ATP2B2: variants seen among roughly 807,000 people sequenced by gnomAD.
The protein encoded by ATP2B2 is plasma membrane calcium-transporting ATPase 2.
ATP2B2 carries 15 observed loss-of-function variants against 120.0 expected under a neutral mutation model. The ratio of observed to expected loss-of-function variants is 0.12; its 90% CI spans 0.08 to 0.19. The LOEUF is 0.19. Among genes scored for constraint, ATP2B2 ranks in the 10% least tolerant of loss-of-function variants. ATP2B2 has a pLI of 1.00. For missense variants in ATP2B2, 1,045 were observed against 1,719.8 expected (o/e 0.61, Z 6.94); for synonymous variants, 694 against 700.3 (o/e 0.99, Z 0.14).
intron 2 of ATP2B2, among the ~76,000 whole-genome samples, chr3:10,590,081 G>A (rs868256474): frequency 5.3e-5 from 8 of 152,174 alleles, no homozygotes; most frequent in Admixed American, 2.6e-4. Flanking sequence ...CCCTCCCATG[G>A]ACGCTACTCA....
At chr3:10,534,028 C>T (rs73811925) in intron 3 of ATP2B2, 6,252 of 152,348 alleles carry the variant, frequency 0.041, 333 homozygotes, top group African/African-American at 0.12. Context: ...AAGCCCCCGT[C>T]TCCAACTCAC....
At position 10,338,224 on chromosome 3, in the gene ATP2B2, C is replaced by A; in HGVS notation, c.3372G>T (p.Arg1124=). 1 of 1,614,194 alleles carries A rather than the reference C, an allele frequency of 6.2e-7. No homozygotes were observed. Among genetic ancestry groups the A allele is most frequent in the Non-Finnish European group, 8.5e-7 (1 of 1,180,036 alleles). The change falls in exon 22 of 23, where the codon CGG becomes CGT. Residue 1124 remains arginine, a synonymous_variant. Coordinates refer to ENST00000360273, the MANE Select transcript of ATP2B2 (RefSeq NM_001001331.4). ...CTCGGAACCACAGGATCTGGCCCCGCCGCAGCTCCCGCTCCGCGTGGTCGA... is the reference window on the plus strand; with the variant it reads ...CTCGGAACCACAGGATCTGGCCCCGACGCAGCTCCCGCTCCGCGTGGTCGA... The part of the protein sequence containing the change: ...EEIDHAEREL[R]RGQILWFRGL...
chr3:10,671,094 C>T (rs79890549), intron 1 of ATP2B2, among the ~76,000 whole-genome samples: 21,055 of 152,186 alleles, frequency 0.14, 2,027 homozygotes, highest in African/African-American at 0.27. Context: ...GAGTTCTCTT[C>T]TGGGGCAGCA....
chr3:10,577,141 G>C (rs886268661), intron 2 of ATP2B2, among the ~76,000 whole-genome samples: 2 of 151,872 alleles, frequency 1.3e-5, no homozygotes, highest in African/African-American at 4.8e-5. Flanking sequence ...TGGAAGTCCA[G>C]GCACTGAGAT....
intron 1 of ATP2B2, among the ~76,000 whole-genome samples, chr3:10,659,440 C>T (rs905362051): frequency 7.2e-4 from 109 of 152,238 alleles, no homozygotes; most frequent in African/African-American, 2.5e-3. Context: ...GCAGGGGTTG[C>T]AATCCTAGTC....
At chr3:10,345,654 C>T in intron 17 of ATP2B2, 79 bp from the exon 18 acceptor site, 1 of 1,383,008 alleles carries the variant, frequency 7.2e-7, no homozygotes, top group Non-Finnish European at 1.0e-6. Flanking sequence ...CTCACTCCCT[C>T]CACTTCCTCA....
intron 12 of ATP2B2, among the ~76,000 whole-genome samples, chr3:10,371,531 C>T (rs2061242092): frequency 2.0e-5 from 3 of 152,210 alleles, no homozygotes; most frequent in African/African-American, 7.2e-5. Context: ...CAAAAGCACA[C>T]TAATGAATGT....
intron 1 of ATP2B2, among the ~76,000 whole-genome samples, chr3:10,681,794 G>A (rs2071390592): frequency 1.3e-5 from 2 of 152,218 alleles, no homozygotes; most frequent in South Asian, 4.1e-4. Flanking sequence ...CGTGCAGCTA[G>A]TAAATGGAGA....
chr3:10,509,567 C>T (rs1466621904), upstream of ATP2B2, among the ~76,000 whole-genome samples: 7 of 152,188 alleles, frequency 4.6e-5, no homozygotes, highest in Non-Finnish European at 1.0e-4. Context: ...AGGACCAAAG[C>T]AAGATTGAGG....
chr3:10,488,951 C>A (rs997681363), intron 1 of ATP2B2, among the ~76,000 whole-genome samples: 1 of 152,188 alleles, frequency 6.6e-6, no homozygotes, highest in African/African-American at 2.4e-5. Flanking sequence ...TGATGGCCCA[C>A]GAGACCCTGC....
At chr3:10,344,407 C>T (rs1435684341) in intron 18 of ATP2B2, among the ~76,000 whole-genome samples, 1 of 152,206 alleles carries the variant, frequency 6.6e-6, no homozygotes, top group East Asian at 1.9e-4. Context: ...CCCAAGGCTC[C>T]GATTCTCAGG....
intron 1 of ATP2B2, among the ~76,000 whole-genome samples, chr3:10,487,659 C>T (rs893246678): frequency 2.0e-5 from 3 of 152,106 alleles, no homozygotes; most frequent in Admixed American, 6.5e-5. Flanking sequence ...TGAAAACTTG[C>T]GAATGAATAA....
chr3:10,377,746 G>C (rs1179151851), intron 10 of ATP2B2, among the ~76,000 whole-genome samples: 1 of 152,206 alleles, frequency 6.6e-6, no homozygotes, highest in African/African-American at 2.4e-5. Flanking sequence ...ACCCATTCTT[G>C]TCTTCCTCTG....
intron 1 of ATP2B2, among the ~76,000 whole-genome samples, chr3:10,653,783 T>A (rs147759151): frequency 6.6e-6 from 1 of 152,274 alleles, no homozygotes; most frequent in African/African-American, 2.4e-5. Context: ...GCCTACGTCT[T>A]ACTATAGCCT....
intron 3 of ATP2B2, among the ~76,000 whole-genome samples, chr3:10,516,415 G>A (rs992175869): frequency 6.6e-6 from 1 of 152,186 alleles, no homozygotes; most frequent in Non-Finnish European, 1.5e-5. Context: ...GTTGGCCAGC[G>A]ATCTTCTATC....
chr3:10,707,381 G>C (rs557601523), intron 1 of ATP2B2, among the ~76,000 whole-genome samples: 2 of 152,310 alleles, frequency 1.3e-5, no homozygotes, highest in South Asian at 4.1e-4. Context: ...CCTGGCTCCT[G>C]TGCTCTTAGC....
At chr3:10,337,742 G>A (rs1422525923) in intron 22 of ATP2B2, among the ~76,000 whole-genome samples, 4 of 152,054 alleles carry the variant, frequency 2.6e-5, no homozygotes, top group African/African-American at 7.2e-5. Flanking sequence ...TGGAGGCGGC[G>A]GACCCCCTGA....
chr3:10,485,379 G>A (rs568523625), intron 1 of ATP2B2, among the ~76,000 whole-genome samples: 1 of 152,316 alleles, frequency 6.6e-6, no homozygotes, highest in Admixed American at 6.5e-5. Flanking sequence ...TGTGCTGGGC[G>A]AGGGCACAGG....
chr3:10,530,276 TTTCTC>T (rs1354696032), intron 3 of ATP2B2, among the ~76,000 whole-genome samples: 1 of 152,194 alleles, frequency 6.6e-6, no homozygotes, highest in Non-Finnish European at 1.5e-5. Flanking sequence ...CATATCCTAT[TTTCTC>T]TTCCATCGAA....
Sources: gnomAD v4.1 joint callset for allele counts (sites outside exome capture counted in the v4.1 genomes callset) on GRCh38, gnomAD v4.1.1 for gene constraint, MANE v1.5 for transcripts, NCBI Gene and HGNC (gene_info 2026-07-23, HGNC 2026-07-21) for gene names.